The following ITSN2 variants were observed in gnomAD, a reference collection of about 807,000 sequenced individuals.
ITSN2 encodes the protein intersectin 2.
Under a neutral mutation model 243.7 loss-of-function variants are expected in ITSN2, and 156 were observed. The ratio of observed to expected loss-of-function variants is 0.64; its 90% confidence interval spans 0.56 to 0.73. The LOEUF (loss-of-function observed/expected upper bound fraction) is 0.73. ITSN2 is among the 30% of genes least tolerant of loss of function. The pLI is 0.00. For missense variants in ITSN2, 1,801 were observed against 1,996.1 expected (o/e 0.90, Z 1.86); for synonymous variants, 703 against 699.9 (o/e 1.00, Z -0.07).
intron 12 of ITSN2, among the ~76,000 whole-genome samples, chr2:24,299,026 C>CTT (rs1181200021): frequency 4.0e-4 from 50 of 124,274 alleles, no homozygotes; most frequent in East Asian, 1.4e-3. Context: ...TTCACGAGAT[C>CTT]TTTTTTTTTT....
rs76261458 is a variant in ITSN2 at position 24,288,154 on chromosome 2, G to T, written c.1724-1803C>A. Among the ~76,000 whole-genome samples the T allele has an allele frequency of 8.2e-4, 125 of 152,098 alleles. 1 individual carries two copies. Among genetic ancestry groups the T allele is most frequent in the East Asian group, 7.3e-3 (38 of 5,184 alleles). On this transcript the variant is annotated intron_variant, in intron 15 of 39. Transcript: ENST00000355123. ...CAATGTTTTCTTCTAGGAGTTTTAC[G>T]GTTTCATGTCTTATGTTTAATCCAT...
chr2:24,357,991 T>C (rs1688605832), intron 1 of ITSN2, among the ~76,000 whole-genome samples: 1 of 152,230 alleles, frequency 6.6e-6, no homozygotes, highest in African/African-American at 2.4e-5. Context: ...CTCGGTTCAC[T>C]GCAACCTCCG....
chr2:24,224,817 A>G (rs369687563), intron 29 of ITSN2, among the ~76,000 whole-genome samples: 11 of 152,214 alleles, frequency 7.2e-5, no homozygotes, highest in Admixed American at 7.2e-4. Flanking sequence ...TTTAGTAGAG[A>G]CGGGGTTTCG....
At position 24,302,139 on chromosome 2, in the gene ITSN2, C is replaced by T. The variant is rs780741560; in HGVS notation, c.858-37G>A. On this transcript the variant is annotated intron_variant, in intron 9 of 39. Coordinates refer to ENST00000355123, the MANE Select transcript of ITSN2 (RefSeq NM_006277.3). The stretch of plus-strand genomic sequence containing the variant: ...GTTAAAATTCACAACTTAATAAAGT[C>T]TATTTGGAGTAAAATATTGCCTTAA... The T allele has an allele frequency of 9.4e-6, 14 of 1,484,116 alleles. No individual in the cohort carries two copies. The East Asian group carries it at 2.5e-4, about 26-fold the overall frequency. 91.9% of individuals were successfully genotyped at this position (1,484,116 alleles called of 1,614,324 possible).
intron 24 of ITSN2, among the ~76,000 whole-genome samples, chr2:24,253,431 A>C (rs1198121532): frequency 6.6e-6 from 1 of 152,258 alleles, no homozygotes; most frequent in East Asian, 1.9e-4. Flanking sequence ...TCCACAGTAC[A>C]CCTATGATTC....
intron 2 of ITSN2, among the ~76,000 whole-genome samples, chr2:24,319,876 A>G (rs924632640): frequency 2.6e-5 from 4 of 152,212 alleles, no homozygotes; most frequent in African/African-American, 9.7e-5. Flanking sequence ...AAAACACAGT[A>G]ATGTACATGA....
chr2:24,348,630 A>G (rs556091262), intron 1 of ITSN2, among the ~76,000 whole-genome samples: 1 of 152,222 alleles, frequency 6.6e-6, no homozygotes, highest in Non-Finnish European at 1.5e-5. Context: ...GGAAAAGTAC[A>G]CTACAACAAA....
At chr2:24,305,973 G>A (rs1256650081) in intron 8 of ITSN2, among the ~76,000 whole-genome samples, 1 of 152,066 alleles carries the variant, frequency 6.6e-6, no homozygotes, top group Non-Finnish European at 1.5e-5. Context: ...TCTTAAGTGT[G>A]CTGCCTAATA....
At chr2:24,210,699 G>A (rs1214593980) in intron 34 of ITSN2, 81 bp downstream of exon 34, 2 of 1,361,340 alleles carry the variant, frequency 1.5e-6, no homozygotes, top group Non-Finnish European at 2.0e-6. Context: ...GGTGCAGACT[G>A]TCCACGTGAG....
intron 20 of ITSN2, among the ~76,000 whole-genome samples, chr2:24,265,836 T>C (rs1416795798): frequency 6.6e-6 from 1 of 152,242 alleles, no homozygotes; most frequent in African/African-American, 2.4e-5. Flanking sequence ...ATTTAAGGTA[T>C]TCTCTTCTGC....
At chr2:24,277,307 C>T (rs1026640206) in intron 17 of ITSN2, among the ~76,000 whole-genome samples, 4 of 152,138 alleles carry the variant, frequency 2.6e-5, no homozygotes, top group Non-Finnish European at 4.4e-5. Context: ...TCAACCTATA[C>T]ACAATAACAC....
At chr2:24,224,475 C>G (rs1670821240) in intron 29 of ITSN2, among the ~76,000 whole-genome samples, 1 of 152,232 alleles carries the variant, frequency 6.6e-6, no homozygotes, top group African/African-American at 2.4e-5. Context: ...GTATTGGCCA[C>G]TGTATCTGGA....
rs755592783 is a variant in ITSN2, at chr2:24,246,877, C to T, written c.3305G>A (p.Arg1102Gln). The change falls in exon 28 of 40, where the codon CGA (arginine) becomes CAA (glutamine). Residue 1102 changes from arginine to glutamine, a missense_variant. Arg to Gln is a conservative substitution (Grantham distance 43). Transcript: ENST00000355123. ...QGELQARGKK[R>Q]QKGWFPASHV... ...ACTGGCAGGAAACCATCCTTTCTGT[C>T]GCTTTTTTCCTCTGGCCTAAAAATT... 17 of 1,611,488 alleles carry T rather than the reference C, an allele frequency of 1.1e-5. No individual in the cohort carries two copies. Among genetic ancestry groups the T allele is most frequent in the South Asian group, 3.3e-5 (3 of 90,638 alleles).
Position 24,234,290 on chromosome 2 carries a change from A to AG in ITSN2, c.3577+11838dup, listed in dbSNP as rs397795170. Among the ~76,000 whole-genome samples the AG allele has an allele frequency of 5.9e-5, 9 of 152,060 alleles. No individual in the cohort carries two copies. The South Asian group carries it at 8.3e-4, about 14-fold the overall frequency. On this transcript the variant is annotated intron_variant, in intron 29 of 39. Coordinates refer to ENST00000355123, the MANE Select transcript of ITSN2 (RefSeq NM_006277.3). ...GCCATCCAAATGCGAAAAAAAAAAAAGAAATTGTCTTTAAAATGAAATATA... is the reference window on the plus strand; with the variant it reads ...GCCATCCAAATGCGAAAAAAAAAAAAGGAAATTGTCTTTAAAATGAAATATA...
At chr2:24,340,759 C>A (rs1305597907) in intron 1 of ITSN2, among the ~76,000 whole-genome samples, 2 of 152,046 alleles carry the variant, frequency 1.3e-5, no homozygotes, top group Admixed American at 1.3e-4. Flanking sequence ...AAAACACACA[C>A]ACACACACAC....
At chr2:24,327,117 T>A (rs1352860121) in intron 2 of ITSN2, among the ~76,000 whole-genome samples, 2 of 152,012 alleles carry the variant, frequency 1.3e-5, no homozygotes, top group African/African-American at 4.8e-5. Flanking sequence ...GAATCTAGAT[T>A]TCTTTAGCGA....
intron 1 of ITSN2, among the ~76,000 whole-genome samples, chr2:24,337,358 T>G: frequency 7.2e-5 from 1 of 13,884 alleles, no homozygotes; most frequent in Non-Finnish European, 1.8e-4. Flanking sequence ...ATATATGTAA[T>G]TTTTTTTTTT....
intron 7 of ITSN2, 29 bp from the exon 8 acceptor site, chr2:24,308,785 T>C (rs1198662583): frequency 8.7e-7 from 1 of 1,146,162 alleles, no homozygotes; most frequent in Non-Finnish European, 1.2e-6. Context: ...AAAATTTTTA[T>C]GTTACTAAAT....
intron 29 of ITSN2, among the ~76,000 whole-genome samples, chr2:24,230,099 A>G (rs1671434817): frequency 6.6e-6 from 1 of 152,114 alleles, no homozygotes; most frequent in Admixed American, 6.5e-5. Context: ...TCTGCTGTAT[A>G]CTCAGTATCC....
Sources: gnomAD v4.1 joint callset for allele counts (sites outside exome capture counted in the v4.1 genomes callset) on GRCh38, gnomAD v4.1.1 for gene constraint, MANE v1.5 for transcripts, NCBI Gene and HGNC (gene_info 2026-07-23, HGNC 2026-07-21) for gene names.